The following GPM6A variants were observed in gnomAD, a reference collection of about 807,000 sequenced individuals.
GPM6A encodes the protein glycoprotein M6A.
A neutral mutation model predicts 32.1 loss-of-function variants in GPM6A; 7 were observed. The observed-to-expected ratio is 0.22, with a 90% CI of 0.12 to 0.41. The LOEUF is 0.41. Ranked by LOEUF, GPM6A falls within the 10% of genes least tolerant of loss-of-function variation. The pLI is 1.00. For synonymous variants in GPM6A, 130 were observed against 123.4 expected, an observed-to-expected ratio of 1.05 and a Z score of -0.35; for missense variants, 235 against 347.2, an observed-to-expected ratio of 0.68 and a Z score of 2.57.
chr4:175,749,610 A>C (rs1328252502), intron 1 of GPM6A, among the ~76,000 whole-genome samples: 2 of 152,128 alleles, frequency 1.3e-5, no homozygotes, highest in African/African-American at 2.4e-5. Flanking sequence ...GATATGTTTC[A>C]TTTCTCTGCT....
At chr4:175,919,315 T>A (rs535791120) in intron 1 of GPM6A, among the ~76,000 whole-genome samples, 1 of 152,262 alleles carries the variant, frequency 6.6e-6, no homozygotes, top group African/African-American at 2.4e-5. Context: ...GACTTGTGGG[T>A]CTCACTCCAC....
At chr4:175,909,890 A>G (rs561351790) in intron 1 of GPM6A, among the ~76,000 whole-genome samples, 1 of 152,312 alleles carries the variant, frequency 6.6e-6, no homozygotes, top group South Asian at 2.1e-4. Context: ...TTAAAAAAAG[A>G]GAAACCAAGT....
chr4:175,737,172 C>A (rs1731694391), intron 1 of GPM6A, among the ~76,000 whole-genome samples: 2 of 152,126 alleles, frequency 1.3e-5, no homozygotes, highest in Non-Finnish European at 2.9e-5. Context: ...CACTCAAAAC[C>A]CAAAGCACTT....
At chr4:175,999,957 G>A (rs1357004228) in intron 1 of GPM6A, among the ~76,000 whole-genome samples, 1 of 152,054 alleles carries the variant, frequency 6.6e-6, no homozygotes, top group Non-Finnish European at 1.5e-5. Context: ...GGCCTTAAGT[G>A]GCCAAATGTT....
intron 1 of GPM6A, among the ~76,000 whole-genome samples, chr4:175,798,996 A>G (rs1461852307): frequency 2.6e-5 from 4 of 152,228 alleles, no homozygotes; most frequent in Non-Finnish European, 5.9e-5. Context: ...GCTAGTTATG[A>G]GCAATGAGTT....
At chr4:175,702,967 A>T (rs1744961949) in intron 1 of GPM6A, among the ~76,000 whole-genome samples, 1 of 152,188 alleles carries the variant, frequency 6.6e-6, no homozygotes, top group African/African-American at 2.4e-5. Flanking sequence ...AGCAAATGAG[A>T]GCACATTGGA....
chr4:175,805,201 A>C (rs1734645019), intron 1 of GPM6A, among the ~76,000 whole-genome samples: 1 of 152,116 alleles, frequency 6.6e-6, no homozygotes, highest in Admixed American at 6.5e-5. Context: ...TCTTTATTTG[A>C]ATTATTAACT....
chr4:175,850,200 A>G (rs1299129003), intron 1 of GPM6A, among the ~76,000 whole-genome samples: 3 of 152,214 alleles, frequency 2.0e-5, no homozygotes, highest in Admixed American at 2.0e-4. Flanking sequence ...TCTAAACTCT[A>G]CTTTAGAACC....
At chr4:175,841,026 T>C (rs1045215919) in intron 1 of GPM6A, among the ~76,000 whole-genome samples, 1 of 152,170 alleles carries the variant, frequency 6.6e-6, no homozygotes, top group African/African-American at 2.4e-5. Context: ...GAAAAAGATA[T>C]AGTTGAACTA....
At chr4:175,942,638 A>G (rs1164560002) in intron 1 of GPM6A, among the ~76,000 whole-genome samples, 2 of 151,662 alleles carry the variant, frequency 1.3e-5, no homozygotes, top group Admixed American at 1.3e-4. Context: ...TAGGGAATCC[A>G]CTCCCCATTG....
intron 2 of GPM6A, among the ~76,000 whole-genome samples, chr4:175,684,911 C>T (rs749763929): frequency 2.6e-4 from 39 of 151,704 alleles, no homozygotes; most frequent in Non-Finnish European, 4.6e-4. Flanking sequence ...TTTTTTGAGA[C>T]GGAGTCTCGC....
chr4:175,955,476 T>G (rs1012745854), intron 1 of GPM6A, among the ~76,000 whole-genome samples: 1 of 152,216 alleles, frequency 6.6e-6, no homozygotes, highest in Non-Finnish European at 1.5e-5. Flanking sequence ...CTAATACATG[T>G]AAAGCATTAA....
At chr4:175,951,580 T>G (rs550467676) in intron 1 of GPM6A, among the ~76,000 whole-genome samples, 2 of 152,312 alleles carry the variant, frequency 1.3e-5, no homozygotes, top group African/African-American at 4.8e-5. Flanking sequence ...GTTGAAGCAA[T>G]GAGGCTTTAG....
chr4:175,921,913 C>T (rs1738680548), intron 1 of GPM6A, among the ~76,000 whole-genome samples: 1 of 152,154 alleles, frequency 6.6e-6, no homozygotes, highest in African/African-American at 2.4e-5. Context: ...TTCTTCAGTA[C>T]TTCATTTCTC....
At chr4:175,797,785 G>A (rs1027407) in intron 1 of GPM6A, among the ~76,000 whole-genome samples, 8,538 of 152,150 alleles carry the variant, frequency 0.056, 292 homozygotes, top group East Asian at 0.1. Context: ...CACCCTTAAA[G>A]TTCTCATTTT....
intron 1 of GPM6A, among the ~76,000 whole-genome samples, chr4:175,973,443 T>C (rs1561018353): frequency 1.3e-5 from 2 of 152,250 alleles, no homozygotes; most frequent in Admixed American, 6.5e-5. Context: ...ATTAAAATTT[T>C]GCAGAAAGCT....
At position 175,870,890 on chromosome 4, in the gene GPM6A, G is replaced by A. The variant is rs1382548755; in HGVS notation, c.-22-58641C>T. 2.0e-5 allele frequency among the ~76,000 whole-genome samples: 3 copies of A among 152,044 alleles called. 1 individual carries two copies. The highest frequency in any genetic ancestry group is 2.9e-5 in the Non-Finnish European group (2 of 68,014). On this transcript the variant is annotated intron_variant, in intron 1 of 7. Coordinates refer to the GPM6A transcript ENST00000280187. The stretch of plus-strand genomic sequence containing the variant: ...AGAAGTATCTTTTTAAAGAGATGTT[G>A]TAAGAATGAAATAAAAGCACCCATC...
chr4:175,896,127 A>G (rs1427846013), intron 1 of GPM6A, among the ~76,000 whole-genome samples: 3 of 152,326 alleles, frequency 2.0e-5, no homozygotes, highest in South Asian at 4.1e-4. Context: ...ACTAGTTTCC[A>G]TCCTGGAAGA....
chr4:175,691,159 A>G (rs998422858), intron 2 of GPM6A, among the ~76,000 whole-genome samples: 2 of 152,226 alleles, frequency 1.3e-5, no homozygotes, highest in African/African-American at 4.8e-5. Flanking sequence ...CTACGTGAGG[A>G]TGAATTTTTG....
Sources: gnomAD v4.1 joint callset for allele counts (sites outside exome capture counted in the v4.1 genomes callset) on GRCh38, gnomAD v4.1.1 for gene constraint, MANE v1.5 for transcripts, NCBI Gene and HGNC (gene_info 2026-07-23, HGNC 2026-07-21) for gene names.